Variants in LRP1B observed in about 807,000 individuals in gnomAD.
The protein encoded by LRP1B is LDL receptor related protein 1B.
A neutral mutation model predicts 556.6 loss-of-function variants in LRP1B; 217 were observed. The observed-to-expected ratio is 0.39, with a 90% CI of 0.35 to 0.44. The LOEUF is 0.44. LRP1B is among the 20% of genes least tolerant of loss of function. The pLI is 1.00. For missense variants in LRP1B, 5,053 were observed against 5,620.8 expected, an observed-to-expected ratio of 0.90 and a Z score of 3.23; for synonymous variants, 2,047 against 1,865.8, an observed-to-expected ratio of 1.10 and a Z score of -2.50.
intron 2 of LRP1B, among the ~76,000 whole-genome samples, chr2:141,554,770 C>G (rs1351519267): frequency 6.6e-6 from 1 of 151,832 alleles, no homozygotes; most frequent in East Asian, 1.9e-4. Context: ...GTCTTTTGTT[C>G]CTTTAAAATT....
intron 19 of LRP1B, among the ~76,000 whole-genome samples, chr2:140,951,309 C>A (rs538060855): frequency 2.0e-5 from 3 of 151,934 alleles, no homozygotes; most frequent in East Asian, 3.9e-4. Context: ...ACAACCATTT[C>A]GGGAGGGAGG....
chr2:141,807,125 C>G (rs1015342561), intron 2 of LRP1B, among the ~76,000 whole-genome samples: 1 of 151,920 alleles, frequency 6.6e-6, no homozygotes. Context: ...TAAAATTATG[C>G]AATTATTTTA....
At chr2:140,989,413 A>T in intron 17 of LRP1B, 119 bp downstream of exon 17, 1 of 1,008,230 alleles carries the variant, frequency 9.9e-7, no homozygotes, top group Non-Finnish European at 1.5e-6. Flanking sequence ...TTCATTTACT[A>T]CTGCAATAAT....
chr2:140,307,957 T>C (rs1296774595), intron 83 of LRP1B, among the ~76,000 whole-genome samples: 1 of 151,850 alleles, frequency 6.6e-6, no homozygotes, highest in Admixed American at 6.6e-5. Flanking sequence ...ATTCACAATA[T>C]AGCAATTGCT....
intron 2 of LRP1B, among the ~76,000 whole-genome samples, chr2:141,602,045 A>G (rs913403007): frequency 1.3e-5 from 2 of 152,172 alleles, no homozygotes; most frequent in African/African-American, 4.8e-5. Flanking sequence ...AGAGCAAATG[A>G]CTTGAATTAG....
At chr2:141,558,501 TAAC>T (rs545404116) in intron 2 of LRP1B, among the ~76,000 whole-genome samples, 263 of 151,928 alleles carry the variant, frequency 1.7e-3, no homozygotes, top group African/African-American at 6.0e-3. Context: ...TATACATTCT[TAAC>T]AACAATAACA....
intron 3 of LRP1B, among the ~76,000 whole-genome samples, chr2:141,404,829 G>T (rs1690574984): frequency 1.3e-5 from 2 of 151,952 alleles, no homozygotes; most frequent in South Asian, 4.2e-4. Flanking sequence ...GTGAGAAATG[G>T]AAGCACCTAT....
chr2:141,200,244 A>G (rs1681948846), intron 6 of LRP1B, among the ~76,000 whole-genome samples: 1 of 151,362 alleles, frequency 6.6e-6, no homozygotes, highest in South Asian at 2.1e-4. Context: ...CTATGTAGCC[A>G]CAAAAAAACA....
At chr2:140,473,018 C>T (rs1313832714) in intron 60 of LRP1B, among the ~76,000 whole-genome samples, 1 of 151,980 alleles carries the variant, frequency 6.6e-6, no homozygotes, top group East Asian at 1.9e-4. Flanking sequence ...TCTCATTTTC[C>T]ACCTGCAAAT....
chr2:142,048,371 C>A (rs1341758735), intron 1 of LRP1B, among the ~76,000 whole-genome samples: 1 of 152,038 alleles, frequency 6.6e-6, no homozygotes, highest in Non-Finnish European at 1.5e-5. Context: ...AGGGATTCCC[C>A]TCATAAGTTT....
intron 2 of LRP1B, among the ~76,000 whole-genome samples, chr2:141,640,635 C>G (rs1689295494): frequency 6.6e-6 from 1 of 151,944 alleles, no homozygotes; most frequent in Non-Finnish European, 1.5e-5. Context: ...GTGAAACCCA[C>G]CTACAAAAAG....
chr2:140,253,254 T>A (rs1490223724), intron 86 of LRP1B, among the ~76,000 whole-genome samples: 2 of 152,010 alleles, frequency 1.3e-5, no homozygotes, highest in Non-Finnish European at 2.9e-5. Context: ...GAAAATTTGA[T>A]CAGAAAGAGT....
At chr2:141,605,994 G>C (rs1363108963) in intron 2 of LRP1B, among the ~76,000 whole-genome samples, 1 of 151,726 alleles carries the variant, frequency 6.6e-6, no homozygotes, top group Non-Finnish European at 1.5e-5. Flanking sequence ...CTTCAGGCCT[G>C]ATATTACTTA....
At chr2:141,531,252 G>A (rs1184215350) in intron 2 of LRP1B, among the ~76,000 whole-genome samples, 1 of 151,876 alleles carries the variant, frequency 6.6e-6, no homozygotes, top group Non-Finnish European at 1.5e-5. Flanking sequence ...GTGCAAAAAG[G>A]ACTTGATATT....
At chr2:141,136,195 T>C (rs531427275) in intron 7 of LRP1B, among the ~76,000 whole-genome samples, 2 of 151,980 alleles carry the variant, frequency 1.3e-5, no homozygotes, top group Non-Finnish European at 2.9e-5. Context: ...TGTGCACTTA[T>C]AGAGTGTCTG....
At chr2:141,285,037 T>C (rs562521232) in intron 3 of LRP1B, among the ~76,000 whole-genome samples, 37 of 152,298 alleles carry the variant, frequency 2.4e-4, no homozygotes, top group Admixed American at 2.1e-3. Context: ...AATTCACATA[T>C]TAGTTTTAGC....
intron 2 of LRP1B, among the ~76,000 whole-genome samples, chr2:141,579,706 A>G (rs1469649158): frequency 2.2e-5 from 3 of 137,898 alleles, no homozygotes; most frequent in African/African-American, 8.6e-5. Flanking sequence ...TTTCATAAGG[A>G]AAACATATCA....
At chr2:140,695,964 C>A (rs1686416106) in intron 41 of LRP1B, among the ~76,000 whole-genome samples, 1 of 152,114 alleles carries the variant, frequency 6.6e-6, no homozygotes, top group Non-Finnish European at 1.5e-5. Context: ...CCATCCATTT[C>A]TTATATTCAG....
chr2:141,048,863 T>G (rs1313436673), intron 11 of LRP1B, 123 bp downstream of exon 11: 1 of 735,706 alleles, frequency 1.4e-6, no homozygotes, highest in East Asian at 2.5e-5. Flanking sequence ...CATTAAAAAA[T>G]ATTTTTGAAC....
Sources: allele counts gnomAD v4.1 joint callset (sites outside exome capture counted in the v4.1 genomes callset), GRCh38; gene constraint gnomAD v4.1.1; transcripts MANE v1.5; gene names NCBI Gene and HGNC (gene_info 2026-07-23, HGNC 2026-07-21).